Variants in RSAD1 observed in about 807,000 individuals in gnomAD.
RSAD1 encodes the protein radical S-adenosyl methionine domain-containing protein 1, mitochondrial.
Under a neutral mutation model 46.2 loss-of-function variants are expected in RSAD1, and 34 were observed. The ratio of observed to expected loss-of-function variants is 0.74; its 90% CI spans 0.56 to 0.98. The LOEUF (loss-of-function observed/expected upper bound fraction) is 0.98. Among genes scored for constraint, RSAD1 ranks in the 50% least tolerant of loss-of-function variants. The pLI is 0.00. For synonymous variants in RSAD1, 260 were observed against 253.5 expected, an observed-to-expected ratio of 1.03 and a Z score of -0.24; for missense variants, 635 against 592.3, an observed-to-expected ratio of 1.07 and a Z score of -0.75.
rs2033343290 is a variant in RSAD1 at position 50,478,897 on chromosome 17, G to A, written c.13G>A (p.Gly5Arg). The stretch of plus-strand genomic sequence containing the variant: ...TGCGCTGGGCGCCATGGCGCTCCCC[G>A]GAGCCCGGGCTCGCGGCTGGGCGGC... MALP[G>R]ARARGWAAAA... The change falls in exon 1 of 9, where the codon GGA becomes AGA. Residue 5 changes from glycine (G) to arginine (R), a missense_variant. Coordinates refer to ENST00000258955, the MANE Select transcript of RSAD1 (RefSeq NM_018346.3). 7.6e-7 allele frequency: 1 copy of A among 1,312,438 alleles called. No individual in the cohort carries two copies. Among genetic ancestry groups the A allele is most frequent in the Non-Finnish European group, 9.6e-7 (1 of 1,038,388 alleles). The allele number at this position is 1,312,438 out of a possible 1,614,324, so 81.3% of individuals were successfully genotyped here.
chr17:50,484,573 G>A (rs762805106), intron 8 of RSAD1, 28 bp downstream of exon 8: 2 of 1,604,920 alleles, frequency 1.2e-6, no homozygotes, highest in South Asian at 1.1e-5. Context: ...GGGCAGAGGG[G>A]GCTGAGGCAT....
Position 50,482,360 on chromosome 17 carries a change from T to G in RSAD1, c.744T>G (p.Pro248=). 2.5e-6 allele frequency: 4 copies of G among 1,611,542 alleles called. No individual in the cohort carries two copies. Among genetic ancestry groups the G allele is most frequent in the Middle Eastern group, 1.7e-4 (1 of 6,058 alleles). ...AQVQRGALPA[P]DPELAAEMYQ... is the part of the protein sequence containing the mutation. Reference sequence around the variant, plus strand: ...TGCAGCGGGGTGCCCTTCCAGCCCCTGACCCGGAGCTCGCAGCTGAGATGT... The same window carrying G: ...TGCAGCGGGGTGCCCTTCCAGCCCCGGACCCGGAGCTCGCAGCTGAGATGT... The change falls in exon 4 of 9, where the codon CCT becomes CCG. Residue 248 remains proline, a synonymous_variant. Coordinates refer to ENST00000258955, the MANE Select transcript of RSAD1 (RefSeq NM_018346.3).
intron 3 of RSAD1, 31 bp from the exon 4 acceptor site, chr17:50,482,060 T>C (rs1598444029): frequency 6.7e-7 from 1 of 1,500,244 alleles, no homozygotes. Flanking sequence ...TCTGAGCTGC[T>C]GGTATGCTTA....
At chr17:50,482,790 G>T (rs1363104339) in intron 5 of RSAD1, 84 bp downstream of exon 5, 6 of 1,298,296 alleles carry the variant, frequency 4.6e-6, no homozygotes, top group Non-Finnish European at 6.5e-6. Context: ...ACCTCTCCAA[G>T]CCTCTATTTT....
chr17:50,480,471 G>T, intron 3 of RSAD1: 1 of 216,506 alleles, frequency 4.6e-6, no homozygotes, highest in Non-Finnish European at 9.5e-6. Flanking sequence ...AGGTCACTCT[G>T]ATGAAATCAC....
chr17:50,479,821 T>C (rs2033359390), intron 2 of RSAD1, 59 bp downstream of exon 2: 1 of 1,589,670 alleles, frequency 6.3e-7, no homozygotes, highest in Middle Eastern at 1.7e-4. Flanking sequence ...TGGTGGGGGA[T>C]AGGTGCAGGC....
At chr17:50,483,193 G>GAA (rs2033404977) in intron 5 of RSAD1, 147 bp from the exon 6 acceptor site, 1 of 456,970 alleles carries the variant, frequency 2.2e-6, no homozygotes, top group Admixed American at 6.3e-5. Flanking sequence ...AAAAAAAAAA[G>GAA]AAAGAAAGAA....
In RSAD1 at chr17:50,482,439, T is replaced by TC; in HGVS notation, c.825dup (p.Asn276GlnfsTer52). 1 of 1,588,314 alleles carries TC rather than the reference T, an allele frequency of 6.3e-7. No individual in the cohort carries two copies. The highest frequency in any genetic ancestry group is 1.1e-5 in the South Asian group (1 of 88,150). ...GGCTGGCTTCCACCAGTATGAGGTCTCCAACTTTGCCCGGAATGTAAGTTC... is the reference window on the plus strand; with the variant it reads ...GGCTGGCTTCCACCAGTATGAGGTCTCCCAACTTTGCCCGGAATGTAAGTTC... On this transcript the variant is annotated frameshift_variant, in exon 4 of 9. Coordinates refer to ENST00000258955, the MANE Select transcript of RSAD1 (RefSeq NM_018346.3). LOFTEE classifies it high-confidence loss of function.
Position 50,478,913 on chromosome 17 carries a change from G to A in RSAD1, c.29G>A (p.Gly10Asp). MALPGARAR[G>D]WAAAARAAQR... ...GCGCTCCCCGGAGCCCGGGCTCGCGGCTGGGCGGCAGCAGCCAGAGCGGCC... is the reference window on the plus strand; with the variant it reads ...GCGCTCCCCGGAGCCCGGGCTCGCGACTGGGCGGCAGCAGCCAGAGCGGCC... The change falls in exon 1 of 9, where the codon GGC becomes GAC. Residue 10 changes from glycine to aspartate, a missense_variant. Physicochemically the swap from Gly to Asp is moderately conservative, Grantham distance 94. Coordinates refer to ENST00000258955, the MANE Select transcript of RSAD1 (RefSeq NM_018346.3). 6 of 1,328,356 alleles carry A rather than the reference G, an allele frequency of 4.5e-6. No homozygotes were observed. Among genetic ancestry groups the A allele is most frequent in the Non-Finnish European group, 5.7e-6 (6 of 1,046,702 alleles). 82.3% of individuals were successfully genotyped at this position (1,328,356 alleles called of 1,614,324 possible). A position where few individuals can be genotyped will look rare whatever the true frequency, so the allele number is the denominator to read the frequency against.
chr17:50,482,602 C>A, intron 4 of RSAD1, 41 bp from the exon 5 acceptor site: 2 of 1,613,408 alleles, frequency 1.2e-6, no homozygotes, highest in East Asian at 2.2e-5. Context: ...AAAAATGAGG[C>A]CTGCCCTCTT....
In RSAD1 at chr17:50,479,747, T is replaced by C; in HGVS notation, c.254T>C (p.Leu85Pro). ...ACCGAAGCTCAGACGCTGCTGCGGC[T>C]CAGCGGGGTGCAACGGTGGGTAGTG... ...LVTEAQTLLR[L>P]SGVQRVESVF... The change falls in exon 2 of 9, where the codon CTC becomes CCC. Residue 85 changes from leucine to proline, a missense_variant. Coordinates refer to ENST00000258955, the MANE Select transcript of RSAD1 (RefSeq NM_018346.3). 1 of 1,610,626 alleles carries C rather than the reference T, an allele frequency of 6.2e-7. No homozygotes were observed. The highest frequency in any genetic ancestry group is 8.5e-7 in the Non-Finnish European group (1 of 1,178,192).
At chr17:50,484,281 C>G (rs963078502) in intron 7 of RSAD1, 161 bp from the exon 8 acceptor site, 2 of 615,702 alleles carry the variant, frequency 3.2e-6, no homozygotes, top group African/African-American at 1.8e-5. Flanking sequence ...TGAAGCTGCC[C>G]TCCTCCCTGC....
At chr17:50,483,205 G>GAAAGA (rs2033405625) in intron 5 of RSAD1, 135 bp from the exon 6 acceptor site, 21 of 658,910 alleles carry the variant, frequency 3.2e-5, no homozygotes, top group African/African-American at 1.1e-4. Context: ...AAGAAAGAAA[G>GAAAGA]AAAGAAAAGA....
At position 50,484,925 on chromosome 17, in the gene RSAD1, G is replaced by A; in HGVS notation, c.*64G>A. 1 of 1,301,110 alleles carries A rather than the reference G, an allele frequency of 7.7e-7. No homozygotes were observed. Among genetic ancestry groups the A allele is most frequent in the East Asian group, 2.3e-5 (1 of 43,282 alleles). 80.6% of individuals were successfully genotyped at this position (1,301,110 alleles called of 1,614,324 possible). ...TTTTGAGAGCTGGGTCGGTACTGCA[G>A]ACATCTCTTCTCCGTTGTCGGGTGC... On this transcript the variant is annotated 3_prime_UTR_variant, in exon 9 of 9. Transcript: ENST00000258955.
chr17:50,484,409 A>G, intron 7 of RSAD1, 33 bp from the exon 8 acceptor site: 2 of 1,600,216 alleles, frequency 1.2e-6, no homozygotes, highest in South Asian at 2.2e-5. Context: ...TAGCCAGGCC[A>G]GCTCCCCACC....
At chr17:50,480,735 G>C (rs2033371250) in intron 3 of RSAD1, 1 of 152,950 alleles carries the variant, frequency 6.5e-6, no homozygotes, top group African/African-American at 2.4e-5. Context: ...GAGAAACCTA[G>C]TCGTCTCAGG....
At position 50,482,309 on chromosome 17, in the gene RSAD1, G is replaced by A; in HGVS notation, c.693G>A (p.Glu231=). 6.2e-7 allele frequency: 1 copy of A among 1,609,866 alleles called. No individual in the cohort carries two copies. Among genetic ancestry groups the A allele is most frequent in the Non-Finnish European group, 8.5e-7 (1 of 1,177,486 alleles). ...TCTCCCTCTACCAGCTGTCCCTGGA[G>A]CGGGGCACCGCACTCTTCGCCCAGG... ...DHLSLYQLSL[E]RGTALFAQVQ... is the part of the protein sequence containing the mutation. Residue 231 remains glutamate, a synonymous_variant, in exon 4 of 9, where the codon GAG becomes GAA. Transcript: ENST00000258955.
chr17:50,479,654 G>A lies in RSAD1; in HGVS notation c.161G>A (p.Ser54Asn). 1 of 1,613,930 alleles carries A rather than the reference G, an allele frequency of 6.2e-7. No individual in the cohort carries two copies. The highest frequency in any genetic ancestry group is 8.5e-7 in the Non-Finnish European group (1 of 1,180,046). The change falls in exon 2 of 9, where the codon AGT becomes AAT. Residue 54 changes from serine to asparagine, a missense_variant. Ser to Asn is a conservative substitution (Grantham distance 46). Coordinates refer to ENST00000258955, the MANE Select transcript of RSAD1 (RefSeq NM_018346.3). ...VHWPYCEKRC[S>N]YCNFNKYIPR... Reference sequence around the variant, plus strand: ...TGGCCTTACTGCGAGAAGCGCTGCAGTTACTGCAACTTCAACAAGTACATC... The same window carrying A: ...TGGCCTTACTGCGAGAAGCGCTGCAATTACTGCAACTTCAACAAGTACATC...
intron 5 of RSAD1, 146 bp from the exon 6 acceptor site, chr17:50,483,194 A>AAAGG: frequency 1.3e-6 from 1 of 789,834 alleles, no homozygotes; most frequent in South Asian, 3.1e-5. Flanking sequence ...AAAAAAAAAG[A>AAAGG]AAGAAAGAAA....
Sources: allele counts gnomAD v4.1 joint callset, GRCh38; gene constraint gnomAD v4.1.1; transcripts MANE v1.5; gene names NCBI Gene and HGNC (gene_info 2026-07-23, HGNC 2026-07-21).